The following RBFOX1 variants were observed in gnomAD, a reference collection of about 807,000 sequenced individuals.
RBFOX1 encodes the protein RNA binding fox-1 homolog 1.
In RBFOX1, 8 loss-of-function variants were observed where a neutral mutation model predicts 57.7. The observed-to-expected ratio is 0.14, with a 90% CI of 0.08 to 0.25. The LOEUF (loss-of-function observed/expected upper bound fraction) is 0.25, where lower values mean the gene tolerates loss of function less well. Among genes scored for constraint, RBFOX1 ranks in the 10% least tolerant of loss-of-function variants. The pLI is 1.00. For missense variants in RBFOX1, 611 were observed against 548.5 expected (o/e 1.11, Z -1.14); for synonymous variants, 326 against 222.4 (o/e 1.47, Z -4.15).
intron 2 of RBFOX1, among the ~76,000 whole-genome samples, chr16:6,578,908 G>C (rs916595234): frequency 2.6e-5 from 4 of 151,946 alleles, no homozygotes; most frequent in African/African-American, 9.7e-5. Flanking sequence ...AGTGGGGTGA[G>C]GGTAAAAGAC....
intron 14 of RBFOX1, among the ~76,000 whole-genome samples, chr16:7,706,076 G>A (rs139844904): frequency 1.7e-3 from 258 of 152,258 alleles, no homozygotes; most frequent in Admixed American, 2.7e-3. Context: ...CCAGCTCTGA[G>A]GACATCAGAT....
At chr16:6,838,016 T>C (rs879263494) in intron 3 of RBFOX1, among the ~76,000 whole-genome samples, 99 of 152,122 alleles carry the variant, frequency 6.5e-4, no homozygotes, top group Non-Finnish European at 1.1e-3. Flanking sequence ...CCCTTTTTTT[T>C]TTTTTCCATT....
intron 2 of RBFOX1, among the ~76,000 whole-genome samples, chr16:6,323,423 G>C (rs1309648677): frequency 6.6e-6 from 1 of 152,168 alleles, no homozygotes; most frequent in Admixed American, 6.5e-5. Context: ...AGGGCATGGG[G>C]TGTGTCAGTC....
At chr16:7,563,586 G>C (rs186243455) in intron 5 of RBFOX1, among the ~76,000 whole-genome samples, 71 of 152,200 alleles carry the variant, frequency 4.7e-4, no homozygotes, top group Non-Finnish European at 6.8e-4. Flanking sequence ...TCCTGCCTCA[G>C]CCTCCATAGC....
intron 4 of RBFOX1, among the ~76,000 whole-genome samples, chr16:7,307,473 G>A (rs1256643854): frequency 6.6e-6 from 1 of 152,148 alleles, no homozygotes; most frequent in African/African-American, 2.4e-5. Flanking sequence ...ATTTACTTAG[G>A]CCAATGAAGA....
At chr16:7,419,314 C>T (rs988532584) in intron 4 of RBFOX1, among the ~76,000 whole-genome samples, 1 of 152,158 alleles carries the variant, frequency 6.6e-6, no homozygotes, top group African/African-American at 2.4e-5. Flanking sequence ...TGACACTCCC[C>T]TTAGCTGGGC....
rs1602693925 is a variant in RBFOX1 at position 7,198,179 on chromosome 16, G to A, written c.27+146081G>A. On this transcript the variant is annotated intron_variant, in intron 4 of 15. Transcript: ENST00000550418. ...CGCCACCACAGCTGGCTAATCTTTTGTATTTTTAGTAGAGACGGGGTTTCA... is the reference window on the plus strand; with the variant it reads ...CGCCACCACAGCTGGCTAATCTTTTATATTTTTAGTAGAGACGGGGTTTCA... Among the ~76,000 whole-genome samples, 4 of 151,822 alleles carry A rather than the reference G, an allele frequency of 2.6e-5. No individual in the cohort carries two copies. In the East Asian group the frequency reaches 7.8e-4, roughly 30 times the overall value.
intron 1 of RBFOX1, among the ~76,000 whole-genome samples, chr16:6,101,207 G>T (rs2096303424): frequency 6.6e-6 from 1 of 152,164 alleles, no homozygotes; most frequent in African/African-American, 2.4e-5. Flanking sequence ...GGAGTCTCCG[G>T]ACCCACTCTC....
At chr16:5,250,915 G>A (rs934637901) in intron 1 of RBFOX1, among the ~76,000 whole-genome samples, 1 of 152,170 alleles carries the variant, frequency 6.6e-6, no homozygotes, top group African/African-American at 2.4e-5. Context: ...ATCAGAGGGG[G>A]ATCTGTGCTC....
At chr16:7,565,788 C>G (rs1034130044) in intron 5 of RBFOX1, among the ~76,000 whole-genome samples, 1 of 152,012 alleles carries the variant, frequency 6.6e-6, no homozygotes, top group African/African-American at 2.4e-5. Context: ...TTATTTATCA[C>G]TGTGAAGAGT....
chr16:6,412,253 A>G (rs942651985), intron 2 of RBFOX1, among the ~76,000 whole-genome samples: 2 of 152,220 alleles, frequency 1.3e-5, no homozygotes, highest in African/African-American at 4.8e-5. Context: ...GAGAAAAGGT[A>G]TGTCCCCAAG....
chr16:7,504,739 AT>A (rs2072367309), intron 4 of RBFOX1, among the ~76,000 whole-genome samples: 1 of 7,980 alleles, frequency 1.3e-4, no homozygotes, highest in African/African-American at 5.2e-4. Flanking sequence ...ATATATATAT[AT>A]ATATATATAT....
chr16:6,027,254 C>G (rs1191823406), intron 1 of RBFOX1, among the ~76,000 whole-genome samples: 1 of 152,148 alleles, frequency 6.6e-6, no homozygotes, highest in Non-Finnish European at 1.5e-5. Flanking sequence ...ATGGCAAACC[C>G]TTTATTATAC....
chr16:6,809,625 G>A (rs2087899628), intron 3 of RBFOX1, among the ~76,000 whole-genome samples: 1 of 152,116 alleles, frequency 6.6e-6, no homozygotes, highest in African/African-American at 2.4e-5. Context: ...CCCATCCGAA[G>A]TCCATAGGAA....
At chr16:6,898,989 T>A (rs950897288) in intron 3 of RBFOX1, among the ~76,000 whole-genome samples, 1 of 145,800 alleles carries the variant, frequency 6.9e-6, no homozygotes, top group African/African-American at 2.6e-5. Flanking sequence ...TATGTGTGCA[T>A]ATATATAATG....
intron 4 of RBFOX1, chr16:5,867,430 C>T (rs947861630): frequency 2.7e-5 from 23 of 859,540 alleles, no homozygotes; most frequent in East Asian, 1.0e-4. Flanking sequence ...ATGATTCTTC[C>T]GTGTTTCATT....
chr16:5,562,502 A>AG (rs5815257), intron 2 of RBFOX1, among the ~76,000 whole-genome samples: 34,095 of 151,928 alleles, frequency 0.22, 3,939 homozygotes, highest in South Asian at 0.34. Flanking sequence ...GAGGAGAAGA[A>AG]GGGGGAGGAC....
chr16:5,457,043 C>T (rs181885325), intron 1 of RBFOX1, among the ~76,000 whole-genome samples: 3 of 152,260 alleles, frequency 2.0e-5, no homozygotes, highest in South Asian at 4.1e-4. Flanking sequence ...AGGTGCCGGC[C>T]GGTTTGGTTC....
chr16:5,903,322 C>T (rs913358559), intron 4 of RBFOX1, among the ~76,000 whole-genome samples: 4 of 152,180 alleles, frequency 2.6e-5, no homozygotes, highest in African/African-American at 9.7e-5. Context: ...GTGCATGCTC[C>T]AGTATCAACC....
Sources: allele counts gnomAD v4.1 joint callset (sites outside exome capture counted in the v4.1 genomes callset), GRCh38; gene constraint gnomAD v4.1.1; transcripts MANE v1.5; gene names NCBI Gene and HGNC (gene_info 2026-07-23, HGNC 2026-07-21).